SLC22A15: variants seen among roughly 807,000 people sequenced by gnomAD.
SLC22A15 encodes solute carrier family 22 member 15.
Under a neutral mutation model 62.7 loss-of-function variants are expected in SLC22A15, and 45 were observed. That is an observed-to-expected ratio of 0.72 (90% CI 0.56 to 0.92). SLC22A15 has a LOEUF of 0.92. Among genes scored for constraint, SLC22A15 ranks in the 40% least tolerant of loss-of-function variants. The probability of loss-of-function intolerance (pLI) is 0.00; values close to 1 mark genes in which losing one functional copy is unlikely to be tolerated. For synonymous variants in SLC22A15, 264 were observed against 267.0 expected (o/e 0.99, Z 0.11); for missense variants, 622 against 665.6 (o/e 0.93, Z 0.72).
chr1:116,033,073 T>A (rs1455947396), intron 6 of SLC22A15, among the ~76,000 whole-genome samples: 1 of 152,162 alleles, frequency 6.6e-6, no homozygotes, highest in African/African-American at 2.4e-5. Flanking sequence ...TGTTAAAACA[T>A]GTGATAATAG....
intron 4 of SLC22A15, among the ~76,000 whole-genome samples, chr1:116,023,575 G>A (rs1388355928): frequency 6.6e-6 from 1 of 152,144 alleles, no homozygotes; most frequent in Admixed American, 6.5e-5. Context: ...ACCAGACACT[G>A]CTTTTTTTAG....
At chr1:116,028,535 TTTTTTTTTTTTTTA>T (rs993546242) in intron 5 of SLC22A15, among the ~76,000 whole-genome samples, 34 of 113,962 alleles carry the variant, frequency 3.0e-4, no homozygotes, top group Non-Finnish European at 5.8e-4. Flanking sequence ...TTTTTTTTTT[TTTTTTTTTTTTTTA>T]AAATATATAG....
intron 2 of SLC22A15, among the ~76,000 whole-genome samples, chr1:115,993,841 T>G (rs954944998): frequency 6.6e-6 from 1 of 152,052 alleles, no homozygotes; most frequent in Non-Finnish European, 1.5e-5. Context: ...CACTTTACCC[T>G]GCTCTCACCC....
chr1:116,041,952 G>C (rs1657799218), intron 8 of SLC22A15, among the ~76,000 whole-genome samples: 1 of 151,954 alleles, frequency 6.6e-6, no homozygotes. Flanking sequence ...TTGTTTGTTT[G>C]TTTGTTTGTT....
At chr1:116,008,483 T>G (rs1656095035) in intron 2 of SLC22A15, among the ~76,000 whole-genome samples, 1 of 152,190 alleles carries the variant, frequency 6.6e-6, no homozygotes, top group Non-Finnish European at 1.5e-5. Flanking sequence ...AGAGTCCACA[T>G]AGCAAGCAGC....
chr1:116,056,757 C>A (rs903509621), intron 8 of SLC22A15, among the ~76,000 whole-genome samples: 1 of 152,210 alleles, frequency 6.6e-6, no homozygotes. Flanking sequence ...CGCCGCATAT[C>A]TACAACTATC....
intron 2 of SLC22A15, among the ~76,000 whole-genome samples, chr1:115,994,847 C>T (rs1014345774): frequency 5.3e-5 from 8 of 152,286 alleles, no homozygotes; most frequent in Middle Eastern, 3.4e-3. Context: ...GTATGCCATC[C>T]ATACCTAATT....
At chr1:116,020,266 C>T (rs924104611) in intron 3 of SLC22A15, among the ~76,000 whole-genome samples, 1 of 146,186 alleles carries the variant, frequency 6.8e-6, no homozygotes, top group South Asian at 2.1e-4. Flanking sequence ...AAAAAACACA[C>T]AGCTGGCTGG....
chr1:116,061,685 T>TA (rs112599796), intron 8 of SLC22A15, among the ~76,000 whole-genome samples: 15,319 of 144,446 alleles, frequency 0.11, 922 homozygotes, highest in African/African-American at 0.16. Context: ...TAAACTTTTC[T>TA]AAAAAAAAAA....
At chr1:116,058,081 A>G (rs1022798824) in intron 8 of SLC22A15, among the ~76,000 whole-genome samples, 3 of 151,554 alleles carry the variant, frequency 2.0e-5, no homozygotes, top group African/African-American at 7.3e-5. Flanking sequence ...ATACTGAAAA[A>G]AAAAGAAAAC....
chr1:116,021,230 C>T lies in SLC22A15; in HGVS notation c.598+345C>T, dbSNP rs961286527. On this transcript the variant is annotated intron_variant, in intron 4 of 11. Transcript: ENST00000369503. Reference sequence around the variant, plus strand: ...GTGCAGACATAGGAAATATTAGAAACTCCTTTCTTACAGCCTTTTTATTCT... The same window carrying T: ...GTGCAGACATAGGAAATATTAGAAATTCCTTTCTTACAGCCTTTTTATTCT... 3.3e-5 allele frequency among the ~76,000 whole-genome samples: 5 copies of T among 152,312 alleles called. No individual in the cohort carries two copies. The East Asian group carries it at 9.6e-4, about 29-fold the overall frequency.
In SLC22A15 at chr1:116,031,509, A is replaced by G. The variant is rs1557897431; in HGVS notation, c.872A>G (p.Glu291Gly). The G allele has an allele frequency of 6.2e-7, 1 of 1,613,984 alleles. No individual in the cohort carries two copies. Among genetic ancestry groups the G allele is most frequent in the Non-Finnish European group, 8.5e-7 (1 of 1,179,876 alleles). The change falls in exon 6 of 12, where the codon GAG becomes GGG. Residue 291 changes from glutamate to glycine, a missense_variant. Coordinates refer to ENST00000369503, the MANE Select transcript of SLC22A15 (RefSeq NM_018420.3). ...LTHPANRSCR[E>G]TGSFLDLFRY... ...CACCCAGCCAACAGGAGCTGCAGGG[A>G]GACTGGAAGTTTCCTGGATCTCTTT... is the stretch of plus-strand genomic sequence containing the variant.
intron 1 of SLC22A15, among the ~76,000 whole-genome samples, chr1:115,987,013 GA>G (rs1654903299): frequency 1.3e-5 from 2 of 152,166 alleles, no homozygotes. Context: ...GCTGGTAGAG[GA>G]AGCTTGAATG....
chr1:116,001,694 A>G (rs190697054), intron 2 of SLC22A15, among the ~76,000 whole-genome samples: 2 of 151,848 alleles, frequency 1.3e-5, no homozygotes, highest in Admixed American at 1.3e-4. Context: ...TTTTATTTCA[A>G]TCTCCTTGTT....
chr1:116,039,378 C>A (rs1657722616), intron 8 of SLC22A15, among the ~76,000 whole-genome samples: 1 of 151,902 alleles, frequency 6.6e-6, no homozygotes. Context: ...ACTAAAAATA[C>A]AAAAATTAGT....
At chr1:115,978,888 T>A (rs1207217728) in intron 1 of SLC22A15, among the ~76,000 whole-genome samples, 1 of 151,090 alleles carries the variant, frequency 6.6e-6, no homozygotes, top group Non-Finnish European at 1.5e-5. Context: ...TGAAAGGGGG[T>A]TTTTCTGCTT....
At chr1:116,023,245 T>C (rs981880237) in intron 4 of SLC22A15, among the ~76,000 whole-genome samples, 13 of 152,214 alleles carry the variant, frequency 8.5e-5, no homozygotes, top group Non-Finnish European at 1.8e-4. Flanking sequence ...GTTTGCATTG[T>C]AGTACTTAAC....
At chr1:116,054,048 A>G (rs528867943) in intron 8 of SLC22A15, among the ~76,000 whole-genome samples, 1 of 152,298 alleles carries the variant, frequency 6.6e-6, no homozygotes, top group South Asian at 2.1e-4. Flanking sequence ...AAATTTACAC[A>G]TAACAATATT....
chr1:116,029,640 G>C (rs1021435017), intron 5 of SLC22A15, among the ~76,000 whole-genome samples: 5 of 152,126 alleles, frequency 3.3e-5, no homozygotes, highest in African/African-American at 1.2e-4. Context: ...CCCTTTGCCA[G>C]GTAGAAATAG....
Sources: gnomAD v4.1 joint callset for allele counts (sites outside exome capture counted in the v4.1 genomes callset) on GRCh38, gnomAD v4.1.1 for gene constraint, MANE v1.5 for transcripts, NCBI Gene and HGNC (gene_info 2026-07-23, HGNC 2026-07-21) for gene names.